Variants in TMEM269 observed in about 807,000 individuals in gnomAD.
The protein encoded by TMEM269 is transmembrane protein 269.
Under a neutral mutation model 15.8 loss-of-function variants are expected in TMEM269, and 12 were observed. The observed-to-expected ratio is 0.76, with a 90% CI of 0.49 to 1.23. The LOEUF (loss-of-function observed/expected upper bound fraction) is 1.23, where lower values mean the gene tolerates loss of function less well. TMEM269 is among the 50% of genes most tolerant of loss of function. TMEM269 has a pLI of 0.00. For missense variants in TMEM269, 211 were observed against 245.4 expected, an observed-to-expected ratio of 0.86 and a Z score of 0.94; for synonymous variants, 93 against 99.3, an observed-to-expected ratio of 0.94 and a Z score of 0.38.
At chr1:42,791,190 A>T (rs1022342697) in intron 2 of TMEM269, among the ~76,000 whole-genome samples, 4 of 152,244 alleles carry the variant, frequency 2.6e-5, no homozygotes, top group Non-Finnish European at 5.9e-5. Flanking sequence ...CAGATCCAAC[A>T]GGCAGAAAAT....
In TMEM269 at chr1:42,797,909, C is replaced by A. The variant is rs1012891602; in HGVS notation, c.485-189C>A. The A allele has an allele frequency of 2.8e-6, 2 of 706,758 alleles. No individual in the cohort carries two copies. The highest frequency in any genetic ancestry group is 5.2e-6 in the Non-Finnish European group (2 of 382,556). 43.8% of individuals were successfully genotyped at this position (706,758 alleles called of 1,614,324 possible). A position where few individuals can be genotyped will look rare whatever the true frequency, so the allele number is the denominator to read the frequency against. ...GAACCTGAGACTGCATTGGGCTATA[C>A]TTCTCTAGTTACTTACCTATCTCTA... On this transcript the variant is annotated intron_variant, in intron 5 of 5. Transcript: ENST00000637012. The surrounding 1 kb of genome is among the most constrained non-coding windows in gnomAD (Gnocchi z 4.9).
chr1:42,797,969 T>G lies in TMEM269; in HGVS notation c.485-129T>G. ...ACTTGAAGACAGGGCTCCTGTCTCT[T>G]TCTGTTTGTTTCTTAGGCACTGTGG... is the stretch of plus-strand genomic sequence containing the variant. On this transcript the variant is annotated intron_variant, in intron 5 of 5. Coordinates refer to ENST00000637012, the MANE Select transcript of TMEM269 (RefSeq NM_001354602.2). This position sits in a 1 kb window ranked among gnomAD's most constrained non-coding sequence, Gnocchi z 4.9. The G allele has an allele frequency of 1.9e-6, 2 of 1,041,044 alleles. No individual in the cohort carries two copies. The highest frequency in any genetic ancestry group is 2.9e-6 in the Non-Finnish European group (2 of 686,354). 64.5% of individuals were successfully genotyped at this position (1,041,044 alleles called of 1,614,324 possible). A position where few individuals can be genotyped will look rare whatever the true frequency, so the allele number is the denominator to read the frequency against.
At chr1:42,790,536 G>T (rs200126140) in intron 2 of TMEM269, among the ~76,000 whole-genome samples, 1 of 150,898 alleles carries the variant, frequency 6.6e-6, no homozygotes, top group Non-Finnish European at 1.5e-5. Flanking sequence ...CTAAGTCTTG[G>T]TTTTTGGAGT....
At chr1:42,796,432 G>A (rs1242625659) in intron 5 of TMEM269, 1 of 152,220 alleles carries the variant, frequency 6.6e-6, no homozygotes, top group Admixed American at 6.6e-5. Context: ...CTCTTATTTG[G>A]AGTGCAGCCA....
Position 42,789,999 on chromosome 1 carries a change from G to T in TMEM269, c.41+65G>T, listed in dbSNP as rs78985064. On this transcript the variant is annotated intron_variant, in intron 2 of 5. Coordinates refer to ENST00000637012, the MANE Select transcript of TMEM269 (RefSeq NM_001354602.2). The stretch of plus-strand genomic sequence containing the variant: ...AGCCAATGGCATGCGGGAAGGAGAG[G>T]GAGAGTTTGGAGAGCAGGCACTGAG... The T allele has an allele frequency of 3.3e-3, 3,925 of 1,184,690 alleles. 100 individuals are homozygous for T. In the African/African-American group the frequency reaches 0.052, roughly 16 times the overall value. 73.4% of individuals were successfully genotyped at this position (1,184,690 alleles called of 1,614,324 possible).
Position 42,798,082 on chromosome 1 carries a change from C to G in TMEM269, c.485-16C>G. 6.4e-7 allele frequency: 1 copy of G among 1,551,060 alleles called. No individual in the cohort carries two copies. On this transcript the variant is annotated splice_polypyrimidine_tract_variant and intron_variant, in intron 5 of 5. Transcript: ENST00000637012. ...GCTTCCTAGAAATTGAGTGTCTGCA[C>G]TTTTTGTTCTTCCAGGTGTCATCAT...
intron 1 of TMEM269, among the ~76,000 whole-genome samples, chr1:42,787,577 G>A (rs988896840): frequency 7.9e-5 from 10 of 127,180 alleles, no homozygotes; most frequent in Admixed American, 4.6e-4. Context: ...TCCGCAGTCC[G>A]GCCTGGGCGA....
At chr1:42,785,663 C>A (rs1219953942) in intron 1 of TMEM269, among the ~76,000 whole-genome samples, 3 of 152,244 alleles carry the variant, frequency 2.0e-5, no homozygotes, top group African/African-American at 7.2e-5. Flanking sequence ...ATCCGCACGA[C>A]CACCCCCTGC....
intron 1 of TMEM269, among the ~76,000 whole-genome samples, chr1:42,787,606 C>CAAA (rs56184198): frequency 2.4e-4 from 14 of 57,542 alleles, no homozygotes; most frequent in Non-Finnish European, 3.3e-4. Flanking sequence ...GACTCCGTCT[C>CAAA]AAAAAAAAAA....
chr1:42,797,290 G>A lies in TMEM269; in HGVS notation c.485-808G>A, dbSNP rs1039415675. On this transcript the variant is annotated intron_variant, in intron 5 of 5. Transcript: ENST00000637012. This position sits in a 1 kb window ranked among gnomAD's most constrained non-coding sequence, Gnocchi z 4.9. ...AAAGCAAAATCAGCAAAGGGAAAAG[G>A]TGCATGGGAAAAAGTTCAGGGGAAA... Among the ~76,000 whole-genome samples, 12 of 152,136 alleles carry A rather than the reference G, an allele frequency of 7.9e-5. No homozygotes were observed. The highest frequency in any genetic ancestry group is 2.2e-4 in the African/African-American group (9 of 41,418).
intron 1 of TMEM269, among the ~76,000 whole-genome samples, chr1:42,789,004 C>T (rs1259726732): frequency 6.6e-6 from 1 of 150,628 alleles, no homozygotes; most frequent in East Asian, 2.0e-4. Context: ...TCACTGCAAC[C>T]TCTGCCTCCT....
chr1:42,793,020 C>G, intron 3 of TMEM269, 118 bp downstream of exon 3: 4 of 797,586 alleles, frequency 5.0e-6, no homozygotes, highest in Non-Finnish European at 8.4e-6. Context: ...CCTGTTCACA[C>G]CCCGCTGAGA....
At chr1:42,796,903 T>G (rs746033051) in intron 5 of TMEM269, 1 of 152,114 alleles carries the variant, frequency 6.6e-6, no homozygotes, top group Non-Finnish European at 1.5e-5. Flanking sequence ...GGAAATACCA[T>G]TGGCTCATAC....
At chr1:42,792,617 C>T (rs1653716545) in intron 2 of TMEM269, among the ~76,000 whole-genome samples, 188 bp from the exon 3 acceptor site, 1 of 151,828 alleles carries the variant, frequency 6.6e-6, no homozygotes, top group Admixed American at 6.6e-5. Flanking sequence ...ATGTGTGGTG[C>T]AAAAAGCAGC....
At chr1:42,792,946 T>G (rs1264390355) in intron 3 of TMEM269, 44 bp downstream of exon 3, 1 of 1,457,982 alleles carries the variant, frequency 6.9e-7, no homozygotes, top group South Asian at 1.2e-5. Flanking sequence ...CCCAGTAGCA[T>G]CCATCTGGGG....
intron 1 of TMEM269, chr1:42,789,302 G>A: frequency 1.4e-6 from 1 of 712,354 alleles, no homozygotes; most frequent in South Asian, 1.7e-5. Flanking sequence ...TCAGAACCAG[G>A]ACCTTGAGGC....
At chr1:42,791,031 A>G (rs946478569) in intron 2 of TMEM269, among the ~76,000 whole-genome samples, 2 of 152,170 alleles carry the variant, frequency 1.3e-5, no homozygotes, top group African/African-American at 4.8e-5. Context: ...GGATGGAGGC[A>G]CAGAATCAAG....
intron 1 of TMEM269, chr1:42,789,540 G>T: frequency 6.6e-7 from 1 of 1,511,624 alleles, no homozygotes. Flanking sequence ...TGCAGTCAGA[G>T]AGGGAGTGGA....
chr1:42,787,084 A>G (rs1209750643), intron 1 of TMEM269, among the ~76,000 whole-genome samples: 1 of 152,212 alleles, frequency 6.6e-6, no homozygotes, highest in African/African-American at 2.4e-5. Context: ...GATAGGTTGT[A>G]AACTCTGTGA....
Sources: allele counts gnomAD v4.1 joint callset (sites outside exome capture counted in the v4.1 genomes callset), GRCh38; gene constraint gnomAD v4.1.1; non-coding constraint Gnocchi (gnomAD v3.1); transcripts MANE v1.5; gene names NCBI Gene and HGNC (gene_info 2026-07-23, HGNC 2026-07-21).